ANKRD11: variants seen among roughly 807,000 people sequenced by gnomAD.
ANKRD11 encodes the protein ankyrin repeat domain-containing protein 11.
ANKRD11 carries 17 observed loss-of-function variants against 195.7 expected under a neutral mutation model. The ratio of observed to expected loss-of-function variants is 0.09; its 90% CI spans 0.06 to 0.13. The LOEUF is 0.13. Ranked by LOEUF, ANKRD11 falls within the 10% of genes least tolerant of loss-of-function variation. The probability of loss-of-function intolerance (pLI) is 1.00; values close to 1 mark genes in which losing one functional copy is unlikely to be tolerated. For synonymous variants in ANKRD11, 1,953 were observed against 1,528.1 expected (o/e 1.28, Z -6.49); for missense variants, 3,735 against 3,566.1 (o/e 1.05, Z -1.21).
chr16:89,488,309 G>A (rs2057688728), intron 1 of ANKRD11, among the ~76,000 whole-genome samples: 1 of 151,950 alleles, frequency 6.6e-6, no homozygotes, highest in South Asian at 2.1e-4. Flanking sequence ...CCAGCCTATC[G>A]AAGGAGATCC....
chr16:89,436,520 C>G (rs1224727531), intron 1 of ANKRD11, among the ~76,000 whole-genome samples: 2 of 152,110 alleles, frequency 1.3e-5, no homozygotes, highest in Non-Finnish European at 2.9e-5. Flanking sequence ...ATACAAGAGC[C>G]TCAAGCGACG....
intron 2 of ANKRD11, among the ~76,000 whole-genome samples, chr16:89,365,499 T>A (rs1218063966): frequency 1.3e-5 from 2 of 152,346 alleles, no homozygotes; most frequent in South Asian, 2.1e-4. Flanking sequence ...CTTACCGTGC[T>A]GCTGAGACAC....
chr16:89,383,013 C>A (rs906650611), intron 2 of ANKRD11, among the ~76,000 whole-genome samples: 5 of 152,112 alleles, frequency 3.3e-5, no homozygotes, highest in African/African-American at 1.2e-4. Flanking sequence ...GCTTGTAAAG[C>A]GTAACTTTTA....
At chr16:89,465,799 C>A (rs1204541927) in intron 1 of ANKRD11, among the ~76,000 whole-genome samples, 2 of 152,196 alleles carry the variant, frequency 1.3e-5, no homozygotes, top group African/African-American at 4.8e-5. Context: ...CAAGCTCCAC[C>A]TCCTGAGTTC....
chr16:89,358,511 T>C (rs1358182329), intron 2 of ANKRD11, among the ~76,000 whole-genome samples: 1 of 152,274 alleles, frequency 6.6e-6, no homozygotes, highest in African/African-American at 2.4e-5. Flanking sequence ...ATACCCCGTT[T>C]TCCATGATAT....
At chr16:89,354,451 C>T (rs1424041379) in intron 2 of ANKRD11, among the ~76,000 whole-genome samples, 3 of 152,212 alleles carry the variant, frequency 2.0e-5, no homozygotes, top group African/African-American at 7.2e-5. Flanking sequence ...AGTGCAGAGC[C>T]AGCCCACCTC....
chr16:89,288,155 C>A, intron 7 of ANKRD11: 3 of 602,618 alleles, frequency 5.0e-6, no homozygotes, highest in Non-Finnish European at 8.9e-6. Flanking sequence ...TCATTCCAGA[C>A]GAGGGTGGGT....
intron 2 of ANKRD11, among the ~76,000 whole-genome samples, chr16:89,318,699 G>C (rs559781274): frequency 8.5e-5 from 13 of 152,332 alleles, no homozygotes. Context: ...ACCATCTCAT[G>C]ACCTGCTTTG....
chr16:89,481,824 G>A (rs2057454100), intron 1 of ANKRD11, among the ~76,000 whole-genome samples: 2 of 151,782 alleles, frequency 1.3e-5, no homozygotes, highest in Admixed American at 6.6e-5. Flanking sequence ...CCCAGCCTTT[G>A]TCCCCAGCCT....
intron 2 of ANKRD11, among the ~76,000 whole-genome samples, chr16:89,398,243 C>G (rs530049847): frequency 3.3e-5 from 5 of 151,838 alleles, no homozygotes; most frequent in Admixed American, 3.3e-4. Flanking sequence ...GGGAGGCTGA[C>G]ATGAGGGACA....
chr16:89,387,111 C>A (rs2040947116), intron 2 of ANKRD11, among the ~76,000 whole-genome samples: 1 of 152,042 alleles, frequency 6.6e-6, no homozygotes, highest in African/African-American at 2.4e-5. Context: ...TCTGCCCTGC[C>A]AAGAGCAGCG....
Position 89,315,398 on chromosome 16 carries a change from G to A in ANKRD11, c.87+1535C>T, listed in dbSNP as rs540464870. On this transcript the variant is annotated intron_variant, in intron 3 of 12. Transcript: ENST00000301030. ...AGAAGAGCAGGGACCACCGGGAAGC[G>A]TGACCTGCCCTTGCGCCTTTCTGCC... Among the ~76,000 whole-genome samples the A allele has an allele frequency of 1.6e-4, 24 of 152,172 alleles. No individual in the cohort carries two copies. In the South Asian group the frequency reaches 2.5e-3, roughly 16 times the overall value.
chr16:89,412,649 G>A (rs1401190714), intron 2 of ANKRD11: 1 of 152,052 alleles, frequency 6.6e-6, no homozygotes, highest in Non-Finnish European at 1.5e-5. Flanking sequence ...AGAACTTACT[G>A]AGTACTCTTT....
intron 2 of ANKRD11, chr16:89,361,672 C>T (rs890549915): frequency 2.6e-5 from 4 of 152,196 alleles, no homozygotes; most frequent in African/African-American, 7.2e-5. Context: ...GGGAGACCTT[C>T]CACTCCTGCT....
chr16:89,280,796 C>A lies in ANKRD11; in HGVS notation c.5746G>T (p.Asp1916Tyr). 6.2e-7 allele frequency: 1 copy of A among 1,610,020 alleles called. No homozygotes were observed. The highest frequency in any genetic ancestry group is 8.5e-7 in the Non-Finnish European group (1 of 1,177,048). The change falls in exon 9 of 13, where the codon GAC becomes TAC. Residue 1916 changes from aspartate to tyrosine, a missense_variant. Transcript: ENST00000301030. ...ALPPDLDTSE[D>Y]QQATAAIIPP... ...ATGATGGCGGCCGTCGCCTGCTGGT[C>A]CTCGGAGGTGTCCAGGTCCGGGGGA...
intron 1 of ANKRD11, among the ~76,000 whole-genome samples, chr16:89,483,784 T>C (rs2057519266): frequency 6.7e-6 from 1 of 148,558 alleles, no homozygotes; most frequent in South Asian, 2.1e-4. Context: ...GCCAAGATCA[T>C]GCCTGGGCAA....
At chr16:89,407,300 G>A (rs1445669085) in intron 2 of ANKRD11, among the ~76,000 whole-genome samples, 3 of 152,006 alleles carry the variant, frequency 2.0e-5, no homozygotes, top group Admixed American at 6.6e-5. Flanking sequence ...TAAGGAACAC[G>A]GGGGGAAAAA....
chr16:89,272,411 G>A (rs917185629), intron 11 of ANKRD11: 3 of 152,280 alleles, frequency 2.0e-5, no homozygotes, highest in African/African-American at 4.8e-5. Flanking sequence ...CCAAAAGAAA[G>A]AAACTGGGGG....
intron 3 of ANKRD11, among the ~76,000 whole-genome samples, chr16:89,310,772 A>C (rs2036565718): frequency 6.6e-6 from 1 of 152,228 alleles, no homozygotes; most frequent in Non-Finnish European, 1.5e-5. Context: ...ACTTCTGCAT[A>C]ATGGGTTTGC....
Sources: gnomAD v4.1 joint callset for allele counts (sites outside exome capture counted in the v4.1 genomes callset) on GRCh38, gnomAD v4.1.1 for gene constraint, MANE v1.5 for transcripts, NCBI Gene and HGNC (gene_info 2026-07-23, HGNC 2026-07-21) for gene names.